The following PKHD1 variants were observed in gnomAD, a reference collection of about 807,000 sequenced individuals.
The protein encoded by PKHD1 is PKHD1 ciliary IPT domain containing fibrocystin/polyductin.
In PKHD1, 291 loss-of-function variants were observed where a neutral mutation model predicts 412.0. That is an observed-to-expected ratio of 0.71 (90% confidence interval 0.64 to 0.78). The LOEUF (loss-of-function observed/expected upper bound fraction) is 0.78. Ranked by LOEUF, PKHD1 falls within the 30% of genes least tolerant of loss-of-function variation. The probability of loss-of-function intolerance (pLI) is 0.00; values close to 1 mark genes in which losing one functional copy is unlikely to be tolerated. For missense variants in PKHD1, 4,825 were observed against 4,950.7 expected (o/e 0.97, Z 0.76); for synonymous variants, 1,777 against 1,821.5 (o/e 0.98, Z 0.62).
At chr6:52,044,281 T>G (rs2128185152) in intron 25 of PKHD1, among the ~76,000 whole-genome samples, 1 of 152,244 alleles carries the variant, frequency 6.6e-6, no homozygotes, top group East Asian at 1.9e-4. Context: ...AAAAACTACT[T>G]GGAAATGAGA....
intron 35 of PKHD1, among the ~76,000 whole-genome samples, chr6:51,967,055 C>T (rs977616552): frequency 1.3e-5 from 2 of 152,004 alleles, no homozygotes; most frequent in African/African-American, 2.4e-5. Flanking sequence ...GAGGAAGGAA[C>T]GCTGTATAGC....
At chr6:51,793,143 T>C (rs1418540268) in intron 52 of PKHD1, among the ~76,000 whole-genome samples, 1 of 151,718 alleles carries the variant, frequency 6.6e-6, no homozygotes, top group South Asian at 2.1e-4. Context: ...TGGTACAAAA[T>C]GAATGATCAA....
At position 52,035,706 on chromosome 6, in the gene PKHD1, G is replaced by A; in HGVS notation, c.3113C>T (p.Thr1038Ile). Reference protein sequence around the residue: ...RAADIGGLWATIRGSSLEGVS... With the variant: ...RAADIGGLWAIIRGSSLEGVS... Reference sequence around the variant, plus strand: ...ACCTTCCAAACTAGAGCCTCGGATGGTGGCCCAGAGCCCTCCTGTAACAAA... The same window carrying A: ...ACCTTCCAAACTAGAGCCTCGGATGATGGCCCAGAGCCCTCCTGTAACAAA... The change falls in exon 28 of 67, where the codon ACC becomes ATC. Residue 1038 changes from threonine (T) to isoleucine (I), a missense_variant. Thr to Ile is a moderately conservative substitution (Grantham distance 89, BLOSUM62 -1). Transcript: ENST00000371117. 3 of 1,613,930 alleles carry A rather than the reference G, an allele frequency of 1.9e-6. No individual in the cohort carries two copies. Among genetic ancestry groups the A allele is most frequent in the Non-Finnish European group, 1.7e-6 (2 of 1,179,904 alleles).
intron 21 of PKHD1, 74 bp downstream of exon 21, chr6:52,053,002 A>C: frequency 1.4e-6 from 2 of 1,419,832 alleles, no homozygotes; most frequent in South Asian, 1.2e-5. Flanking sequence ...ATTAAAAAAA[A>C]CAGTAACCCC....
intron 55 of PKHD1, among the ~76,000 whole-genome samples, chr6:51,764,197 A>G (rs1016107499): frequency 1.7e-4 from 26 of 149,942 alleles, no homozygotes; most frequent in East Asian, 8.0e-4. Context: ...AATCTACAAT[A>G]AACTCAAACA....
At position 52,083,256 on chromosome 6, in the gene PKHD1, C is replaced by T. The variant is rs775511838; in HGVS notation, c.53-1G>A. The T allele has an allele frequency of 6.3e-7, 1 of 1,595,154 alleles. No individual in the cohort carries two copies. Among genetic ancestry groups the T allele is most frequent in the Admixed American group, 1.7e-5 (1 of 60,000 alleles). On this transcript the variant is annotated splice_acceptor_variant, in intron 2 of 66. Coordinates refer to ENST00000371117, the MANE Select transcript of PKHD1 (RefSeq NM_138694.4). LOFTEE classifies it high-confidence loss of function. Reference sequence around the variant, plus strand: ...TCAATATGTAAACTCAGGTGACGTACTGTAAGTAAGTGAAAAAAAACATTG... The same window carrying T: ...TCAATATGTAAACTCAGGTGACGTATTGTAAGTAAGTGAAAAAAAACATTG...
Position 51,899,616 on chromosome 6 carries a change from A to T in PKHD1, c.6996+3981T>A, listed in dbSNP as rs1284550934. Among the ~76,000 whole-genome samples, 15 of 151,256 alleles carry T rather than the reference A, an allele frequency of 9.9e-5. No individual in the cohort carries two copies. In the South Asian group the frequency reaches 2.9e-3, roughly 30 times the overall value. ...CTTTGAAAACTGGCACAAGACAGGG[A>T]TGCCCTCTCTCACCACTCCTATTCA... is the stretch of plus-strand genomic sequence containing the variant. On this transcript the variant is annotated intron_variant, in intron 43 of 66. Coordinates refer to ENST00000371117, the MANE Select transcript of PKHD1 (RefSeq NM_138694.4).
intron 60 of PKHD1, 109 bp downstream of exon 60, chr6:51,744,276 G>T: frequency 2.1e-6 from 2 of 945,048 alleles, no homozygotes; most frequent in Non-Finnish European, 3.5e-6. Context: ...TCCAACTCTA[G>T]AATTTAGGTC....
intron 43 of PKHD1, among the ~76,000 whole-genome samples, chr6:51,903,380 T>C (rs1487668070): frequency 6.6e-6 from 1 of 152,166 alleles, no homozygotes; most frequent in Non-Finnish European, 1.5e-5. Context: ...CACAAATTCA[T>C]CAACTTTCTT....
chr6:51,941,417 G>A (rs35593882), intron 36 of PKHD1, among the ~76,000 whole-genome samples: 50,546 of 148,084 alleles, frequency 0.34, 9,896 homozygotes, highest in African/African-American at 0.46. Flanking sequence ...CACCGCGCCC[G>A]GCTAATTTTT....
intron 43 of PKHD1, among the ~76,000 whole-genome samples, chr6:51,888,083 A>G (rs560401463): frequency 2.0e-5 from 3 of 152,324 alleles, no homozygotes; most frequent in South Asian, 2.1e-4. Context: ...GAACAACTCA[A>G]CGATTTGTCT....
At chr6:51,941,687 G>T (rs553751607) in intron 36 of PKHD1, among the ~76,000 whole-genome samples, 2 of 149,620 alleles carry the variant, frequency 1.3e-5, no homozygotes, top group East Asian at 2.0e-4. Flanking sequence ...TATCCACCCC[G>T]TGGTGCCAAA....
At chr6:51,932,932 T>A (rs528400534) in intron 37 of PKHD1, among the ~76,000 whole-genome samples, 118 of 152,238 alleles carry the variant, frequency 7.8e-4, no homozygotes, top group Non-Finnish European at 1.3e-3. Flanking sequence ...TAAAGAAAAA[T>A]GGCAGATTCC....
In PKHD1 at chr6:51,754,912, CA is replaced by C. The variant is rs2151021274; in HGVS notation, c.8668del (p.Trp2890GlyfsTer7). ...ERIIVEDAVD[W>X]RPHDKIVLSS... ...AAGGACTATTTTGTCATGGGGGCGC[CA>C]ATCCACTGCATCTTCTACTATAATT... On this transcript the variant is annotated frameshift_variant, in exon 56 of 67. Coordinates refer to ENST00000371117, the MANE Select transcript of PKHD1 (RefSeq NM_138694.4). LOFTEE classifies it high-confidence loss of function. 1.9e-6 allele frequency: 3 copies of C among 1,613,356 alleles called. No individual in the cohort carries two copies. The South Asian group carries it at 3.3e-5, about 18-fold the overall frequency.
chr6:51,844,769 T>C (rs1770859103), intron 50 of PKHD1, among the ~76,000 whole-genome samples: 1 of 152,022 alleles, frequency 6.6e-6, no homozygotes, highest in African/African-American at 2.4e-5. Context: ...ATTCAGCCAG[T>C]TGTCAGTGAA....
chr6:51,638,171 C>T (rs910962309), intron 64 of PKHD1, among the ~76,000 whole-genome samples: 2 of 152,092 alleles, frequency 1.3e-5, no homozygotes, highest in African/African-American at 2.4e-5. Context: ...CAAAATTTTG[C>T]TTTTATTGCC....
chr6:52,003,585 A>G (rs17669607), intron 35 of PKHD1, among the ~76,000 whole-genome samples: 3,050 of 152,258 alleles, frequency 0.02, 48 homozygotes, highest in South Asian at 0.047. Context: ...AAATGTCACT[A>G]AGGACCTCTT....
At chr6:51,801,037 C>G (rs1453093771) in intron 52 of PKHD1, among the ~76,000 whole-genome samples, 1 of 152,112 alleles carries the variant, frequency 6.6e-6, no homozygotes, top group Non-Finnish European at 1.5e-5. Context: ...CTATTTGAAT[C>G]ACTATTAAAT....
At chr6:51,757,137 C>T (rs1026007440) in intron 55 of PKHD1, among the ~76,000 whole-genome samples, 1 of 152,108 alleles carries the variant, frequency 6.6e-6, no homozygotes, top group South Asian at 2.1e-4. Context: ...CTGTACTGGT[C>T]TGTGGCCCTG....
Sources: gnomAD v4.1 joint callset for allele counts (sites outside exome capture counted in the v4.1 genomes callset) on GRCh38, gnomAD v4.1.1 for gene constraint, MANE v1.5 for transcripts, NCBI Gene and HGNC (gene_info 2026-07-23, HGNC 2026-07-21) for gene names.